INPP4B: variants seen among roughly 807,000 people sequenced by gnomAD.
The protein encoded by INPP4B is inositol polyphosphate 4-phosphatase type II.
A neutral mutation model predicts 122.5 loss-of-function variants in INPP4B; 55 were observed. That is an observed-to-expected ratio of 0.45 (90% confidence interval 0.36 to 0.56). The LOEUF (loss-of-function observed/expected upper bound fraction) is 0.56, where lower values mean the gene tolerates loss of function less well. Among genes scored for constraint, INPP4B ranks in the 20% least tolerant of loss-of-function variants. The pLI is 0.00. For missense variants in INPP4B, 1,000 were observed against 1,097.7 expected, an observed-to-expected ratio of 0.91 and a Z score of 1.26; for synonymous variants, 403 against 388.7, an observed-to-expected ratio of 1.04 and a Z score of -0.43.
intron 2 of INPP4B, among the ~76,000 whole-genome samples, chr4:142,672,831 C>T (rs1042261153): frequency 1.7e-4 from 26 of 152,236 alleles, no homozygotes; most frequent in Admixed American, 5.9e-4. Flanking sequence ...TGAAGACTTT[C>T]TCCATAGTTT....
intron 9 of INPP4B, among the ~76,000 whole-genome samples, chr4:142,290,009 C>T (rs1341013120): frequency 2.6e-5 from 4 of 151,958 alleles, no homozygotes; most frequent in African/African-American, 9.7e-5. Context: ...TGACTGGTCC[C>T]CCTGATTTCA....
At chr4:142,528,128 A>G (rs1827168660) in intron 2 of INPP4B, among the ~76,000 whole-genome samples, 1 of 152,106 alleles carries the variant, frequency 6.6e-6, no homozygotes, top group African/African-American at 2.4e-5. Flanking sequence ...GAAAGTATGT[A>G]TAAAGTATAT....
chr4:142,750,510 T>C (rs1202951347), intron 1 of INPP4B, among the ~76,000 whole-genome samples: 3 of 152,154 alleles, frequency 2.0e-5, no homozygotes, highest in Admixed American at 1.3e-4. Flanking sequence ...TTAGCGTTTA[T>C]GGCCACCAGT....
chr4:142,255,862 C>A (rs1415199185), intron 11 of INPP4B, among the ~76,000 whole-genome samples: 2 of 150,710 alleles, frequency 1.3e-5, no homozygotes, highest in Admixed American at 1.3e-4. Context: ...ACCTAATAGA[C>A]ATCTACAGAA....
At chr4:142,375,197 T>C (rs1791401762) in intron 7 of INPP4B, among the ~76,000 whole-genome samples, 1 of 151,796 alleles carries the variant, frequency 6.6e-6, no homozygotes, top group South Asian at 2.1e-4. Flanking sequence ...GTGGAGCTAG[T>C]CAACACTGAC....
chr4:142,136,452 G>C (rs149194186), intron 18 of INPP4B, among the ~76,000 whole-genome samples: 1 of 152,230 alleles, frequency 6.6e-6, no homozygotes, highest in African/African-American at 2.4e-5. Flanking sequence ...GTGAGAGGCC[G>C]TGTGTGACCA....
In INPP4B at chr4:142,314,273, T is replaced by A. The variant is rs1353923652; in HGVS notation, c.423+439A>T. ...TCAGCAGGATTTTCCAACATTGGAC[T>A]GAACAGTGGTGGCTGCCTCTCTTTT... is the stretch of plus-strand genomic sequence containing the variant. On this transcript the variant is annotated intron_variant, in intron 8 of 25. Coordinates refer to ENST00000262992, the MANE Select transcript of INPP4B (RefSeq NM_001101669.3). Among the ~76,000 whole-genome samples, 6 of 152,172 alleles carry A rather than the reference T, an allele frequency of 3.9e-5. No homozygotes were observed. The East Asian group carries it at 1.2e-3, about 29-fold the overall frequency.
chr4:142,471,973 AT>A (rs1322520441), intron 2 of INPP4B, among the ~76,000 whole-genome samples: 1 of 151,744 alleles, frequency 6.6e-6, no homozygotes, highest in Admixed American at 6.6e-5. Flanking sequence ...CCTACAAATT[AT>A]TTTTTTTCAG....
intron 2 of INPP4B, among the ~76,000 whole-genome samples, chr4:142,495,239 A>G (rs1822387396): frequency 6.6e-6 from 1 of 152,102 alleles, no homozygotes; most frequent in African/African-American, 2.4e-5. Context: ...TTCCCAGAAA[A>G]ATTAATAAAT....
At chr4:142,265,644 T>G (rs971781619) in intron 10 of INPP4B, among the ~76,000 whole-genome samples, 1 of 152,218 alleles carries the variant, frequency 6.6e-6, no homozygotes, top group African/African-American at 2.4e-5. Flanking sequence ...AGTTTACAGT[T>G]ACTTTATCAA....
intron 3 of INPP4B, among the ~76,000 whole-genome samples, chr4:142,446,308 T>C (rs1812900806): frequency 6.6e-6 from 1 of 152,014 alleles, no homozygotes; most frequent in African/African-American, 2.4e-5. Flanking sequence ...TAAATGATTA[T>C]CAACTTCACT....
chr4:142,085,341 A>T (rs999252804), intron 24 of INPP4B, among the ~76,000 whole-genome samples: 2 of 152,216 alleles, frequency 1.3e-5, no homozygotes, highest in Non-Finnish European at 2.9e-5. Flanking sequence ...GGTTAACCTG[A>T]GCTCCAAATT....
chr4:142,276,005 T>G (rs78236969), intron 9 of INPP4B, among the ~76,000 whole-genome samples: 2,376 of 151,750 alleles, frequency 0.016, 67 homozygotes, highest in African/African-American at 0.055. Context: ...TCACCCACAT[T>G]AGTAGCACAT....
At chr4:142,496,689 T>C (rs991410329) in intron 2 of INPP4B, among the ~76,000 whole-genome samples, 2 of 152,218 alleles carry the variant, frequency 1.3e-5, no homozygotes, top group Admixed American at 6.5e-5. Context: ...AGCAAATGTA[T>C]TCCTATATAT....
chr4:142,462,738 A>T lies in INPP4B; in HGVS notation c.-190-12T>A, dbSNP rs1816967388. On this transcript the variant is annotated splice_polypyrimidine_tract_variant and intron_variant, in intron 2 of 25. Transcript: ENST00000262992. Reference sequence around the variant, plus strand: ...CTGGTTTCAAGGCTCTGCAAAAAACAAAATGGAAAGAAGTCAGGATTTAGT... The same window carrying T: ...CTGGTTTCAAGGCTCTGCAAAAAACTAAATGGAAAGAAGTCAGGATTTAGT... The T allele has an allele frequency of 1.3e-5, 2 of 152,214 alleles. No individual in the cohort carries two copies. The highest frequency in any genetic ancestry group is 2.9e-5 in the Non-Finnish European group (2 of 68,036). 9.4% of individuals were successfully genotyped at this position (152,214 alleles called of 1,614,324 possible). A position where few individuals can be genotyped will look rare whatever the true frequency, so the allele number is the denominator to read the frequency against.
In INPP4B at chr4:142,263,052, A is replaced by G. The variant is rs200837689; in HGVS notation, c.616-2488T>C. ...GTCACTTGTGCTACGCTGCATTCCAATACAACACAGATCTTAAACTAATAG... is the reference window on the plus strand; with the variant it reads ...GTCACTTGTGCTACGCTGCATTCCAGTACAACACAGATCTTAAACTAATAG... On this transcript the variant is annotated intron_variant, in intron 10 of 25. Coordinates refer to ENST00000262992, the MANE Select transcript of INPP4B (RefSeq NM_001101669.3). 3.9e-5 allele frequency among the ~76,000 whole-genome samples: 6 copies of G among 152,310 alleles called. No individual in the cohort carries two copies. The East Asian group carries it at 1.2e-3, about 29-fold the overall frequency.
rs1398499950 is a variant in INPP4B, at chr4:142,270,708, C to A, written c.570G>T (p.Glu190Asp). ...TGGTGATGTGGTCGGCTTCCCCATC[C>A]TCAATCTCCCCCATCTTCACGACAC... ...EVSVVKMGEI[E>D]DGEADHITTD... Residue 190 changes from glutamate (E) to aspartate (D), a missense_variant, in exon 10 of 26, where the codon GAG (glutamate) becomes GAT (aspartate). Glu to Asp is a conservative substitution (Grantham distance 45). Transcript: ENST00000262992. The A allele has an allele frequency of 1.2e-6, 2 of 1,613,856 alleles. No homozygotes were observed. The highest frequency in any genetic ancestry group is 1.7e-6 in the Non-Finnish European group (2 of 1,179,808).
In INPP4B at chr4:142,305,454, C is replaced by T. The variant is rs1762989266; in HGVS notation, c.503+4G>A. On this transcript the variant is annotated splice_donor_region_variant and intron_variant, in intron 9 of 25. Coordinates refer to ENST00000262992, the MANE Select transcript of INPP4B (RefSeq NM_001101669.3). ...ACAGTATTTCTACAAACAAAGAGAC[C>T]CACCTCAGGCTCAGGACCAGCAATT... 6.2e-7 allele frequency: 1 copy of T among 1,606,792 alleles called. No homozygotes were observed. Among genetic ancestry groups the T allele is most frequent in the African/African-American group, 1.3e-5 (1 of 74,676 alleles).
At chr4:142,094,477 T>C (rs949746085) in intron 23 of INPP4B, among the ~76,000 whole-genome samples, 1 of 152,170 alleles carries the variant, frequency 6.6e-6, no homozygotes, top group African/African-American at 2.4e-5. Context: ...AGACTAAGAA[T>C]GGATTTCTCA....
Sources: gnomAD v4.1 joint callset for allele counts (sites outside exome capture counted in the v4.1 genomes callset) on GRCh38, gnomAD v4.1.1 for gene constraint, MANE v1.5 for transcripts, NCBI Gene and HGNC (gene_info 2026-07-23, HGNC 2026-07-21) for gene names.